DLG2: variants seen among roughly 807,000 people sequenced by gnomAD.
DLG2 encodes disks large homolog 2.
DLG2 carries 45 observed loss-of-function variants against 132.5 expected under a neutral mutation model. The ratio of observed to expected loss-of-function variants is 0.34; its 90% CI spans 0.27 to 0.44. The LOEUF is 0.44. DLG2 is among the 20% of genes least tolerant of loss of function. The pLI is 1.00. For synonymous variants in DLG2, 424 were observed against 419.6 expected, an observed-to-expected ratio of 1.01 and a Z score of -0.13; for missense variants, 1,045 against 1,196.9, an observed-to-expected ratio of 0.87 and a Z score of 1.87.
chr11:84,515,485 G>C (rs1349218607), intron 7 of DLG2, among the ~76,000 whole-genome samples: 2 of 151,740 alleles, frequency 1.3e-5, no homozygotes, highest in Non-Finnish European at 2.9e-5. Context: ...ATCATAAAAA[G>C]AGATAAAGGT....
intron 7 of DLG2, among the ~76,000 whole-genome samples, chr11:84,392,431 A>G (rs1442498271): frequency 6.6e-6 from 1 of 152,220 alleles, no homozygotes; most frequent in African/African-American, 2.4e-5. Context: ...CATCCATGAC[A>G]TTCATATGCC....
At chr11:83,851,295 T>C (rs547787257) in intron 16 of DLG2, among the ~76,000 whole-genome samples, 4 of 152,194 alleles carry the variant, frequency 2.6e-5, no homozygotes, top group Admixed American at 1.3e-4. Context: ...TGGAGTAGAA[T>C]GAGTCCCTTA....
chr11:84,282,274 A>G (rs1214069592), intron 7 of DLG2, among the ~76,000 whole-genome samples: 1 of 152,218 alleles, frequency 6.6e-6, no homozygotes, highest in South Asian at 2.1e-4. Flanking sequence ...ATACTATATG[A>G]TCTCACTTAT....
chr11:85,123,006 C>A (rs1287648746), intron 5 of DLG2, among the ~76,000 whole-genome samples: 1 of 61,222 alleles, frequency 1.6e-5, no homozygotes, highest in African/African-American at 5.9e-5. Flanking sequence ...GAGACAGAGT[C>A]TCGCTCTGTC....
chr11:83,932,585 T>C (rs377341205), intron 14 of DLG2, among the ~76,000 whole-genome samples: 41 of 152,354 alleles, frequency 2.7e-4, no homozygotes, highest in East Asian at 2.1e-3. Flanking sequence ...TTCTATCATA[T>C]AGTATGTATA....
chr11:84,152,488 G>A (rs1434340569), intron 9 of DLG2, among the ~76,000 whole-genome samples: 4 of 151,284 alleles, frequency 2.6e-5, no homozygotes, highest in Non-Finnish European at 5.9e-5. Flanking sequence ...CTGGGTTCAC[G>A]CCATTCTCCT....
At chr11:85,246,831 AG>A (rs1457616302) in intron 4 of DLG2, among the ~76,000 whole-genome samples, 1 of 152,122 alleles carries the variant, frequency 6.6e-6, no homozygotes, top group Non-Finnish European at 1.5e-5. Flanking sequence ...TGAAGATAGA[AG>A]TAATGCAAGA....
chr11:85,265,132 T>C (rs1565235997), intron 4 of DLG2, among the ~76,000 whole-genome samples: 3 of 152,224 alleles, frequency 2.0e-5, no homozygotes. Flanking sequence ...AGATGCCTTC[T>C]CTGAGAAGCC....
At chr11:84,094,767 T>A (rs1945801) in intron 10 of DLG2, among the ~76,000 whole-genome samples, 1 of 152,020 alleles carries the variant, frequency 6.6e-6, no homozygotes, top group Non-Finnish European at 1.5e-5. Context: ...TATCATTACA[T>A]TGGGGATTAG....
chr11:83,928,455 A>T (rs1297439612), intron 15 of DLG2, among the ~76,000 whole-genome samples: 6 of 152,112 alleles, frequency 3.9e-5, no homozygotes, highest in Admixed American at 3.9e-4. Context: ...ATGGAAGGAA[A>T]CCAATGTAAC....
chr11:85,051,906 C>G (rs980439313), intron 6 of DLG2, among the ~76,000 whole-genome samples: 1 of 152,104 alleles, frequency 6.6e-6, no homozygotes, highest in African/African-American at 2.4e-5. Flanking sequence ...ATAAGTCATG[C>G]TTTTTGAGTG....
At chr11:84,232,737 G>A (rs934026882) in intron 8 of DLG2, among the ~76,000 whole-genome samples, 2 of 152,154 alleles carry the variant, frequency 1.3e-5, no homozygotes, top group Non-Finnish European at 2.9e-5. Flanking sequence ...AGACTTCCCA[G>A]TCAGCATGAT....
chr11:84,807,965 A>G (rs1005346931), intron 6 of DLG2, among the ~76,000 whole-genome samples: 1 of 152,186 alleles, frequency 6.6e-6, no homozygotes, highest in Non-Finnish European at 1.5e-5. Flanking sequence ...CAGAATGCAT[A>G]TAGAATAATA....
chr11:85,161,706 G>T (rs1281357450), intron 4 of DLG2, among the ~76,000 whole-genome samples: 4 of 152,138 alleles, frequency 2.6e-5, no homozygotes, highest in Non-Finnish European at 5.9e-5. Context: ...ATGCTCACTG[G>T]TCTTACCATG....
At chr11:84,285,794 A>C (rs372514564) in intron 7 of DLG2, among the ~76,000 whole-genome samples, 1 of 152,242 alleles carries the variant, frequency 6.6e-6, no homozygotes, top group East Asian at 1.9e-4. Flanking sequence ...TTTACATTAC[A>C]TACCTGAATT....
chr11:83,913,934 G>C (rs2076489283), intron 15 of DLG2, among the ~76,000 whole-genome samples: 1 of 152,166 alleles, frequency 6.6e-6, no homozygotes, highest in African/African-American at 2.4e-5. Context: ...CATATAGACA[G>C]ACTGTGGTGA....
chr11:84,093,088 C>T (rs948539002), intron 10 of DLG2, among the ~76,000 whole-genome samples: 1 of 151,460 alleles, frequency 6.6e-6, no homozygotes, highest in Non-Finnish European at 1.5e-5. Flanking sequence ...CACACTTACA[C>T]ACTTACCAAC....
intron 10 of DLG2, among the ~76,000 whole-genome samples, chr11:84,067,803 T>C (rs566048042): frequency 2.0e-5 from 3 of 152,298 alleles, no homozygotes; most frequent in African/African-American, 7.2e-5. Context: ...TATTAGTTTA[T>C]TAAAAATAAA....
At chr11:84,282,266 A>C (rs1228972000) in intron 7 of DLG2, among the ~76,000 whole-genome samples, 1 of 152,238 alleles carries the variant, frequency 6.6e-6, no homozygotes, top group Admixed American at 6.5e-5. Flanking sequence ...AAAAGTACAT[A>C]CTATATGATC....
Sources: gnomAD v4.1 joint callset for allele counts (sites outside exome capture counted in the v4.1 genomes callset) on GRCh38, gnomAD v4.1.1 for gene constraint, MANE v1.5 for transcripts, NCBI Gene and HGNC (gene_info 2026-07-23, HGNC 2026-07-21) for gene names.